Variants in HMCN1 observed in about 807,000 individuals in gnomAD.
HMCN1 encodes hemicentin 1.
Under a neutral mutation model 625.9 loss-of-function variants are expected in HMCN1, and 321 were observed. That is an observed-to-expected ratio of 0.51 (90% CI 0.47 to 0.56). HMCN1 has a LOEUF of 0.56. HMCN1 is among the 20% of genes least tolerant of loss of function. The probability of loss-of-function intolerance (pLI) is 0.00; values close to 1 mark genes in which losing one functional copy is unlikely to be tolerated. For synonymous variants in HMCN1, 2,425 were observed against 2,417.6 expected, an observed-to-expected ratio of 1.00 and a Z score of -0.09; for missense variants, 6,588 against 6,887.3, an observed-to-expected ratio of 0.96 and a Z score of 1.54.
chr1:186,063,873 T>C (rs992196974), intron 48 of HMCN1, among the ~76,000 whole-genome samples: 3 of 152,184 alleles, frequency 2.0e-5, no homozygotes, highest in Non-Finnish European at 4.4e-5. Flanking sequence ...TAAACACATC[T>C]CTAAGAGGAT....
intron 1 of HMCN1, among the ~76,000 whole-genome samples, chr1:185,764,709 A>G (rs1655752339): frequency 6.6e-6 from 1 of 152,180 alleles, no homozygotes; most frequent in African/African-American, 2.4e-5. Context: ...GACAACCTCC[A>G]GTGATCTTAA....
At chr1:185,784,283 T>A (rs1657392900) in intron 1 of HMCN1, among the ~76,000 whole-genome samples, 1 of 152,210 alleles carries the variant, frequency 6.6e-6, no homozygotes, top group East Asian at 1.9e-4. Flanking sequence ...AGGGAATTTC[T>A]GACCCCTTGC....
chr1:186,086,697 T>A (rs972602241), intron 58 of HMCN1, among the ~76,000 whole-genome samples: 3 of 152,054 alleles, frequency 2.0e-5, no homozygotes, highest in African/African-American at 7.2e-5. Flanking sequence ...AATAGTACTT[T>A]CATTGGATAC....
At chr1:186,006,004 C>A (rs1048759356) in intron 29 of HMCN1, among the ~76,000 whole-genome samples, 1 of 151,902 alleles carries the variant, frequency 6.6e-6, no homozygotes, top group Non-Finnish European at 1.5e-5. Context: ...TGCGTGGTGG[C>A]AGGTGCCTGT....
intron 36 of HMCN1, among the ~76,000 whole-genome samples, chr1:186,031,863 A>G (rs1655462333): frequency 6.6e-6 from 1 of 152,082 alleles, no homozygotes; most frequent in Non-Finnish European, 1.5e-5. Flanking sequence ...ATTAACATCT[A>G]TATTTAGTGA....
chr1:185,972,756 G>A (rs115030298), intron 15 of HMCN1, among the ~76,000 whole-genome samples: 324 of 152,140 alleles, frequency 2.1e-3, no homozygotes, highest in African/African-American at 7.3e-3. Flanking sequence ...TTTGAGGTTT[G>A]CTTGTCACTG....
At chr1:185,742,536 T>C (rs1486792918) in intron 1 of HMCN1, among the ~76,000 whole-genome samples, 1 of 152,192 alleles carries the variant, frequency 6.6e-6, no homozygotes, top group East Asian at 1.9e-4. Flanking sequence ...ATTTGGACCT[T>C]GAAAACCTGT....
intron 97 of HMCN1, among the ~76,000 whole-genome samples, chr1:186,164,032 A>T (rs1651704765): frequency 6.6e-6 from 1 of 152,206 alleles, no homozygotes; most frequent in Non-Finnish European, 1.5e-5. Context: ...AGAATGTATC[A>T]ACAAATAACT....
intron 81 of HMCN1, among the ~76,000 whole-genome samples, chr1:186,123,536 G>T (rs1490167824): frequency 6.6e-6 from 1 of 152,084 alleles, no homozygotes; most frequent in Non-Finnish European, 1.5e-5. Flanking sequence ...TGACTTTTCT[G>T]CTTTACTTCT....
chr1:186,061,731 T>G (rs1207875932), intron 46 of HMCN1, 120 bp from the exon 47 acceptor site: 6 of 531,090 alleles, frequency 1.1e-5, no homozygotes, highest in South Asian at 6.9e-5. Flanking sequence ...CATAAATTCA[T>G]TTTAAGGGCC....
At position 185,919,074 on chromosome 1, in the gene HMCN1, C is replaced by CATATATATATATATATATATATATAT. The variant is rs60205431; in HGVS notation, c.901-3288_901-3287insTATATATATATATATATATATATATA. On this transcript the variant is annotated intron_variant, in intron 6 of 106. Transcript: ENST00000271588. ...AATTTTGGCCTCACTAATTTTAGGA[C>CATATATATATATATATATATATATAT]ATATATATATATATATAATTTTATT... Among the ~76,000 whole-genome samples, 83 of 146,070 alleles carry CATATATATATATATATATATATATAT rather than the reference C, an allele frequency of 5.7e-4. 1 individual carries two copies. The highest frequency in any genetic ancestry group is 2.1e-3 in the African/African-American group (80 of 38,878).
intron 36 of HMCN1, among the ~76,000 whole-genome samples, chr1:186,031,734 A>G (rs911282746): frequency 1.5e-4 from 23 of 151,696 alleles, no homozygotes; most frequent in African/African-American, 5.6e-4. Flanking sequence ...CAATTGACCA[A>G]TCTTCAAATT....
At chr1:186,092,266 C>T (rs1659886075) in intron 64 of HMCN1, among the ~76,000 whole-genome samples, 1 of 151,724 alleles carries the variant, frequency 6.6e-6, no homozygotes, top group Non-Finnish European at 1.5e-5. Flanking sequence ...CAATGTACTA[C>T]CTTTGTTTGA....
At chr1:186,038,786 A>G (rs776974361) in intron 37 of HMCN1, 43 bp from the exon 38 acceptor site, 36 of 1,234,018 alleles carry the variant, frequency 2.9e-5, no homozygotes, top group East Asian at 4.7e-5. Context: ...TATTTAATTT[A>G]AAAAATTTTT....
Position 185,892,103 on chromosome 1 carries a change from C to T in HMCN1, c.622-17234C>T, listed in dbSNP as rs544689316. ...TACCCTTTCTTCCAGTTGATTGCATCGGGTCCTGAGGCTTCTGCATTCTTC... is the reference window on the plus strand; with the variant it reads ...TACCCTTTCTTCCAGTTGATTGCATTGGGTCCTGAGGCTTCTGCATTCTTC... On this transcript the variant is annotated intron_variant, in intron 4 of 106. Transcript: ENST00000271588. Among the ~76,000 whole-genome samples, 73 of 149,772 alleles carry T rather than the reference C, an allele frequency of 4.9e-4. 1 individual carries two copies. The highest frequency in any genetic ancestry group is 3.4e-3 in the Middle Eastern group (1 of 294).
chr1:185,902,504 G>A (rs9659722), intron 4 of HMCN1, among the ~76,000 whole-genome samples: 269 of 151,440 alleles, frequency 1.8e-3, no homozygotes, highest in South Asian at 3.5e-3. Context: ...AGCTATTCAT[G>A]GAGTCCAGAT....
chr1:186,129,557 G>T (rs1459425490), intron 83 of HMCN1, among the ~76,000 whole-genome samples: 3 of 151,968 alleles, frequency 2.0e-5, no homozygotes, highest in Admixed American at 6.6e-5. Flanking sequence ...AGCTGAAAAG[G>T]TTTTCATGTG....
At chr1:186,105,697 T>C (rs1207224098) in intron 69 of HMCN1, among the ~76,000 whole-genome samples, 4 of 152,224 alleles carry the variant, frequency 2.6e-5, no homozygotes, top group Non-Finnish European at 5.9e-5. Flanking sequence ...AACAAGACTT[T>C]AGAAACTAAC....
chr1:185,815,279 C>A (rs1267211090), intron 1 of HMCN1, among the ~76,000 whole-genome samples: 1 of 150,072 alleles, frequency 6.7e-6, no homozygotes, highest in Non-Finnish European at 1.5e-5. Flanking sequence ...TAATGTTTGA[C>A]TAGATTTAAG....
Sources: allele counts gnomAD v4.1 joint callset (sites outside exome capture counted in the v4.1 genomes callset), GRCh38; gene constraint gnomAD v4.1.1; transcripts MANE v1.5; gene names NCBI Gene and HGNC (gene_info 2026-07-23, HGNC 2026-07-21).